The following KIFC3 variants were observed in gnomAD, a reference collection of about 807,000 sequenced individuals.
KIFC3 encodes kinesin family member C3.
KIFC3 carries 60 observed loss-of-function variants against 101.8 expected under a neutral mutation model. That is an observed-to-expected ratio of 0.59 (90% CI 0.48 to 0.73). The LOEUF (loss-of-function observed/expected upper bound fraction) is 0.73, where lower values mean the gene tolerates loss of function less well. Ranked by LOEUF, KIFC3 falls within the 30% of genes least tolerant of loss-of-function variation. The pLI is 0.00. For missense variants in KIFC3, 966 were observed against 1,137.1 expected (o/e 0.85, Z 2.16); for synonymous variants, 476 against 482.7 (o/e 0.99, Z 0.18).
Position 57,760,297 on chromosome 16 carries a change from G to A in KIFC3, c.2352C>T (p.Ser784=). The change falls in exon 17 of 20, where the codon AGC becomes AGT. Residue 784 remains serine, a synonymous_variant. Coordinates refer to ENST00000445690, the MANE Select transcript of KIFC3 (RefSeq NM_001130100.2). The part of the protein sequence containing the change: ...LRRAELGSWS[S]QEHLEWEPAC... ...GTCCCCGTACCTCTAGATGCTCCTG[G>A]CTTGACCAGGACCCAAGCTCTGCCC... 1 of 1,613,386 alleles carries A rather than the reference G, an allele frequency of 6.2e-7. No individual in the cohort carries two copies. The highest frequency in any genetic ancestry group is 8.5e-7 in the Non-Finnish European group (1 of 1,179,692).
chr16:57,795,749 G>C (rs1299756119), intron 2 of KIFC3, among the ~76,000 whole-genome samples: 1 of 152,084 alleles, frequency 6.6e-6, no homozygotes, highest in African/African-American at 2.4e-5. Flanking sequence ...AACAGGGTGG[G>C]ATGGGGGCCA....
At chr16:57,841,250 T>G (rs753757157) in intron 1 of KIFC3, among the ~76,000 whole-genome samples, 30 of 152,164 alleles carry the variant, frequency 2.0e-4, no homozygotes, top group Admixed American at 1.2e-3. Flanking sequence ...AGTTGTAATT[T>G]CTAGTAGGGT....
At chr16:57,778,846 G>C (rs2052411326) in intron 3 of KIFC3, among the ~76,000 whole-genome samples, 1 of 152,142 alleles carries the variant, frequency 6.6e-6, no homozygotes, top group African/African-American at 2.4e-5. Context: ...GCTACAGTGA[G>C]CTATGACCAT....
intron 3 of KIFC3, among the ~76,000 whole-genome samples, chr16:57,773,370 C>T (rs1346498284): frequency 6.6e-6 from 1 of 152,206 alleles, no homozygotes; most frequent in Admixed American, 6.5e-5. Context: ...AAGAAGGCGG[C>T]CACCACGTAC....
chr16:57,816,116 C>A, intron 1 of KIFC3: 1 of 1,015,830 alleles, frequency 9.8e-7, no homozygotes, highest in Non-Finnish European at 1.3e-6. Flanking sequence ...TTACCAGTGG[C>A]TCTGAACCAT....
Position 57,822,087 on chromosome 16 carries a change from A to G in KIFC3, c.109-23805T>C, listed in dbSNP as rs187031833. ...GAGACCCTGTCTCAAAAATAAAAAC[A>G]AAAACAAAAACTAAAACAAAAAACT... On this transcript the variant is annotated intron_variant, in intron 1 of 2. Coordinates refer to the KIFC3 transcript ENST00000563028. Among the ~76,000 whole-genome samples the G allele has an allele frequency of 4.7e-3, 711 of 152,306 alleles. 9 individuals carry two copies. Among genetic ancestry groups the G allele is most frequent in the Admixed American group, 4.6e-3 (71 of 15,298 alleles).
At chr16:57,826,905 C>T (rs2055470049) in intron 1 of KIFC3, among the ~76,000 whole-genome samples, 1 of 152,202 alleles carries the variant, frequency 6.6e-6, no homozygotes, top group African/African-American at 2.4e-5. Context: ...AGAAGTGCGT[C>T]TGGGGCTGCT....
upstream of KIFC3, among the ~76,000 whole-genome samples, chr16:57,805,619 G>A (rs729331): frequency 0.12 from 17,589 of 149,760 alleles, 1,161 homozygotes; most frequent in Middle Eastern, 0.2. Context: ...GACTAGCAGC[G>A]CCATCTTTGT....
intron 1 of KIFC3, among the ~76,000 whole-genome samples, chr16:57,838,493 ATATCTAT>A (rs1462567227): frequency 6.6e-6 from 1 of 152,208 alleles, no homozygotes; most frequent in Non-Finnish European, 1.5e-5. Flanking sequence ...GGCTTCATGC[ATATCTAT>A]TACCAAGCAC....
intron 11 of KIFC3, 70 bp from the exon 12 acceptor site, chr16:57,764,317 C>A: frequency 1.1e-6 from 1 of 874,232 alleles, no homozygotes; most frequent in South Asian, 1.5e-5. Context: ...GCTACAAGTC[C>A]AGCCACCTCC....
At chr16:57,785,539 C>T (rs2149114917) in intron 3 of KIFC3, 18 of 1,289,442 alleles carry the variant, frequency 1.4e-5, no homozygotes, top group Non-Finnish European at 1.7e-5. Context: ...GGACCACCAG[C>T]TCCTCCTGTA....
chr16:57,832,082 G>A (rs928915673), intron 1 of KIFC3, among the ~76,000 whole-genome samples: 14 of 151,948 alleles, frequency 9.2e-5, no homozygotes, highest in Non-Finnish European at 1.9e-4. Context: ...GTACAGTGGC[G>A]CAATCTTGGC....
chr16:57,795,886 T>TG (rs1568047698), intron 2 of KIFC3, among the ~76,000 whole-genome samples: 1 of 27,798 alleles, frequency 3.6e-5, no homozygotes, highest in Non-Finnish European at 1.1e-4. Context: ...GCTTTTTTGT[T>TG]TTTTTTTTTT....
At chr16:57,770,004 G>A (rs1555606474) in intron 7 of KIFC3, 49 bp from the exon 8 acceptor site, 1 of 1,579,168 alleles carries the variant, frequency 6.3e-7, no homozygotes, top group Non-Finnish European at 8.6e-7. Context: ...GGGAGAGAGA[G>A]GGGCAGGTGC....
At chr16:57,798,005 C>G in intron 2 of KIFC3, 67 bp downstream of exon 2, 3 of 1,550,446 alleles carry the variant, frequency 1.9e-6, no homozygotes, top group Non-Finnish European at 2.6e-6. Context: ...TGAGAAACCT[C>G]AGTCTCATCT....
intron 1 of KIFC3, among the ~76,000 whole-genome samples, chr16:57,819,200 TG>T (rs2055298534): frequency 6.6e-6 from 1 of 152,344 alleles, no homozygotes; most frequent in South Asian, 2.1e-4. Context: ...CTGGGCATGG[TG>T]GCTCACGCAT....
chr16:57,788,754 T>C (rs2149141541), intron 3 of KIFC3: 1 of 1,285,760 alleles, frequency 7.8e-7, no homozygotes, highest in African/African-American at 1.5e-5. Context: ...AAGGAGACTG[T>C]GCCAGGGAAG....
At position 57,762,255 on chromosome 16, in the gene KIFC3, G is replaced by A. The variant is rs902027171; in HGVS notation, c.1633C>T (p.Pro545Ser). 1.3e-6 allele frequency: 2 copies of A among 1,573,498 alleles called. No homozygotes were observed. The highest frequency in any genetic ancestry group is 1.7e-6 in the Non-Finnish European group (2 of 1,160,390). The part of the protein sequence containing the change: ...TYTMEGTAEN[P>S]GINQRALQLL... ...TGCAGGGCCCGCTGGTTGATACCTGGGTTCTCAGCGGTCCCCTGGGGACAG... is the reference window on the plus strand; with the variant it reads ...TGCAGGGCCCGCTGGTTGATACCTGAGTTCTCAGCGGTCCCCTGGGGACAG... The change falls in exon 13 of 20, where the codon CCA becomes TCA. Residue 545 changes from proline (P) to serine (S), a missense_variant. By Grantham distance (74) the Pro-to-Ser change is moderately conservative (BLOSUM62 -1). Coordinates refer to ENST00000445690, the MANE Select transcript of KIFC3 (RefSeq NM_001130100.2).
At chr16:57,838,395 A>C (rs530059646) in intron 1 of KIFC3, among the ~76,000 whole-genome samples, 1 of 152,254 alleles carries the variant, frequency 6.6e-6, no homozygotes, top group South Asian at 2.1e-4. Context: ...CACACATGGA[A>C]TACTAAACAT....
Sources: allele counts gnomAD v4.1 joint callset (sites outside exome capture counted in the v4.1 genomes callset), GRCh38; gene constraint gnomAD v4.1.1; transcripts MANE v1.5; gene names NCBI Gene and HGNC (gene_info 2026-07-23, HGNC 2026-07-21).